The following TET3 variants were observed in gnomAD, a reference collection of about 807,000 sequenced individuals.
TET3 encodes tet methylcytosine dioxygenase 3, also known as methylcytosine dioxygenase TET3.
In TET3, 19 loss-of-function variants were observed where a neutral mutation model predicts 141.4. The observed-to-expected ratio is 0.13, with a 90% CI of 0.09 to 0.20. The LOEUF (loss-of-function observed/expected upper bound fraction) is 0.20, where lower values mean the gene tolerates loss of function less well. Ranked by LOEUF, TET3 falls within the 10% of genes least tolerant of loss-of-function variation. TET3 has a pLI of 1.00. For missense variants in TET3, 1,874 were observed against 2,356.9 expected (o/e 0.80, Z 4.24); for synonymous variants, 1,043 against 980.9 (o/e 1.06, Z -1.18).
intron 2 of TET3, chr2:74,002,730 C>A (rs1411060973): frequency 3.8e-6 from 2 of 523,634 alleles, no homozygotes; most frequent in Non-Finnish European, 6.7e-6. Flanking sequence ...TGCAGTGCCT[C>A]CCTCCGTGCG....
At chr2:74,066,298 C>A (rs1688895410) in intron 4 of TET3, among the ~76,000 whole-genome samples, 1 of 152,014 alleles carries the variant, frequency 6.6e-6, no homozygotes, top group Non-Finnish European at 1.5e-5. Context: ...AGCTCAGGAT[C>A]CTTTAAGTAC....
Position 74,107,183 on chromosome 2 carries a change from T to A in TET3, c.*5007T>A, listed in dbSNP as rs1449568849. 1 of 152,234 alleles carries A rather than the reference T, an allele frequency of 6.6e-6. No individual in the cohort carries two copies. Among genetic ancestry groups the A allele is most frequent in the East Asian group, 1.9e-4 (1 of 5,194 alleles). 9.4% of individuals were successfully genotyped at this position (152,234 alleles called of 1,614,324 possible). On this transcript the variant is annotated 3_prime_UTR_variant, in exon 12 of 12. Transcript: ENST00000409262. ...ACAGAGTGCGAGTGCACTCCGCGAG[T>A]GCGGGGGGAGGGGCGGCCCCCTCTG...
rs544189530 is a variant in TET3, at chr2:74,069,521, A to T, written c.2495-4028A>T. Among the ~76,000 whole-genome samples the T allele has an allele frequency of 2.4e-4, 37 of 151,798 alleles. No homozygotes were observed. The South Asian group carries it at 6.9e-3, about 28-fold the overall frequency. The stretch of plus-strand genomic sequence containing the variant: ...AAATTTTATAAAATGAACCTGTGTG[A>T]CCACCACCTGGATCAAGAATTAGAC... On this transcript the variant is annotated intron_variant, in intron 4 of 11. Transcript: ENST00000409262.
chr2:74,076,017 T>C (rs946013429), intron 5 of TET3, among the ~76,000 whole-genome samples: 3 of 152,138 alleles, frequency 2.0e-5, no homozygotes, highest in African/African-American at 7.2e-5. Flanking sequence ...CTGGGGCAGG[T>C]TTTTTGTTCT....
At chr2:74,096,225 G>A (rs1690817226) in intron 10 of TET3, among the ~76,000 whole-genome samples, 4 of 152,126 alleles carry the variant, frequency 2.6e-5, no homozygotes, top group Admixed American at 2.6e-4. Flanking sequence ...CAGGGCTGGG[G>A]CTGGCCAGTC....
At chr2:74,058,000 A>G (rs1370824427) in intron 4 of TET3, among the ~76,000 whole-genome samples, 1 of 152,244 alleles carries the variant, frequency 6.6e-6, no homozygotes, top group African/African-American at 2.4e-5. Flanking sequence ...GCTGATTTAT[A>G]TCTTCAGGGA....
chr2:74,058,250 C>T (rs192837173), intron 4 of TET3, among the ~76,000 whole-genome samples: 30 of 152,262 alleles, frequency 2.0e-4, no homozygotes, highest in Non-Finnish European at 3.8e-4. Context: ...TGAACAGTAT[C>T]ACTGTGGCAG....
intron 3 of TET3, among the ~76,000 whole-genome samples, chr2:74,017,777 C>CGGTA (rs958570302): frequency 4.6e-5 from 7 of 152,138 alleles, no homozygotes; most frequent in African/African-American, 1.7e-4. Flanking sequence ...CTGGATCATA[C>CGGTA]GGTAGTTCTA....
the TET3 span, among the ~76,000 whole-genome samples, chr2:74,130,107 A>AG: frequency 1.3e-5 from 2 of 151,916 alleles, no homozygotes; most frequent in Admixed American, 1.3e-4. Flanking sequence ...AAAAAAAAAA[A>AG]AAAAAGTTGG....
intron 4 of TET3, among the ~76,000 whole-genome samples, chr2:74,064,490 C>G (rs571025530): frequency 1.7e-4 from 26 of 152,276 alleles, no homozygotes; most frequent in African/African-American, 5.8e-4. Flanking sequence ...ACCTCTGCCT[C>G]CCAGGCTCAA....
chr2:74,087,682 T>G lies in TET3; in HGVS notation c.2680-148T>G, dbSNP rs1409208113. ...GTTCCCTAATAATGGTCTCTTAGCTTGTAAGGTTGCTGTCTTCAGGGCATG... is the reference window on the plus strand; with the variant it reads ...GTTCCCTAATAATGGTCTCTTAGCTGGTAAGGTTGCTGTCTTCAGGGCATG... On this transcript the variant is annotated intron_variant, in intron 6 of 11. Transcript: ENST00000409262. The surrounding 1 kb of genome is among the most constrained non-coding windows in gnomAD (Gnocchi z 4.3). 5 of 607,180 alleles carry G rather than the reference T, an allele frequency of 8.2e-6. No homozygotes were observed. Among genetic ancestry groups the G allele is most frequent in the Non-Finnish European group, 1.1e-5 (4 of 368,080 alleles). 37.6% of individuals were successfully genotyped at this position (607,180 alleles called of 1,614,324 possible).
intron 3 of TET3, among the ~76,000 whole-genome samples, chr2:74,021,907 A>G (rs184950808): frequency 9.5e-4 from 144 of 152,368 alleles, no homozygotes; most frequent in African/African-American, 3.3e-3. Context: ...ACACAGGAAG[A>G]CATTTCAGAT....
the TET3 span, among the ~76,000 whole-genome samples, chr2:74,133,990 C>CT: frequency 1.3e-5 from 2 of 152,078 alleles, no homozygotes; most frequent in African/African-American, 4.8e-5. Flanking sequence ...TGATCCCCCC[C>CT]CCTCGGCCTC....
the TET3 span, among the ~76,000 whole-genome samples, chr2:74,123,800 G>T: frequency 6.6e-6 from 1 of 150,918 alleles, no homozygotes; most frequent in East Asian, 2.0e-4. Flanking sequence ...CCGCCATCCC[G>T]TCTAGGAAGT....
At chr2:74,053,100 A>G (rs911750103) in intron 4 of TET3, among the ~76,000 whole-genome samples, 6 of 152,238 alleles carry the variant, frequency 3.9e-5, no homozygotes, top group Non-Finnish European at 7.3e-5. Context: ...AAGTAAACTT[A>G]TAAGCTATGA....
rs141072724 is a variant in TET3 at position 74,038,976 on chromosome 2, C to T, written c.361-7302C>T. 5.1e-3 allele frequency among the ~76,000 whole-genome samples: 783 copies of T among 152,342 alleles called. 5 individuals are homozygous for T. The highest frequency in any genetic ancestry group is 7.8e-3 in the Non-Finnish European group (532 of 68,034). On this transcript the variant is annotated intron_variant, in intron 3 of 11. Transcript: ENST00000409262. ...CTCCATAACCACGTTTCATCCCCAT[C>T]TGTCTGCTAGTGCCTTAGTTCAGGT...
At chr2:74,118,716 T>C in the TET3 span, among the ~76,000 whole-genome samples, 7 of 152,092 alleles carry the variant, frequency 4.6e-5, no homozygotes, top group African/African-American at 1.7e-4. Flanking sequence ...TTTACATATA[T>C]ATAAACATAT....
chr2:74,003,820 G>C (rs1284985853), intron 3 of TET3, among the ~76,000 whole-genome samples: 5 of 150,496 alleles, frequency 3.3e-5, no homozygotes, highest in African/African-American at 1.2e-4. Flanking sequence ...AAGCAGAGAA[G>C]GGGGCACTGA....
intron 3 of TET3, among the ~76,000 whole-genome samples, chr2:74,021,298 G>A (rs936190556): frequency 6.6e-6 from 1 of 152,208 alleles, no homozygotes; most frequent in African/African-American, 2.4e-5. Flanking sequence ...TCCATGAACC[G>A]ATGGAGCTGT....
Sources: gnomAD v4.1 joint callset for allele counts (sites outside exome capture counted in the v4.1 genomes callset) on GRCh38, gnomAD v4.1.1 for gene constraint, Gnocchi (gnomAD v3.1) non-coding constraint, MANE v1.5 for transcripts, NCBI Gene and HGNC (gene_info 2026-07-23, HGNC 2026-07-21) for gene names.